MLKL: variants seen among roughly 807,000 people sequenced by gnomAD.
MLKL encodes mixed lineage kinase domain-like protein.
MLKL carries 55 observed loss-of-function variants against 56.5 expected under a neutral mutation model. The observed-to-expected ratio is 0.97, with a 90% CI of 0.78 to 1.22. MLKL has a LOEUF of 1.22. Among genes scored for constraint, MLKL ranks in the 50% most tolerant of loss-of-function variants. The pLI is 0.00. For missense variants in MLKL, 694 were observed against 573.9 expected (o/e 1.21, Z -2.14); for synonymous variants, 251 against 208.3 (o/e 1.20, Z -1.76).
chr16:74,685,546 T>A lies in MLKL; in HGVS notation c.760A>T (p.Met254Leu). 6.2e-7 allele frequency: 1 copy of A among 1,614,102 alleles called. No individual in the cohort carries two copies. Among genetic ancestry groups the A allele is most frequent in the Non-Finnish European group, 8.5e-7 (1 of 1,179,966 alleles). Residue 254 changes from methionine to leucine, a missense_variant, in exon 5 of 11, where the codon ATG becomes TTG. By Grantham distance (15) the Met-to-Leu change is conservative. Transcript: ENST00000308807. The stretch of plus-strand genomic sequence containing the variant: ...ATGTTGGGAGATTCGAATTTCTTCA[T>A]GGTTTTGATCTCCTTATTGAAAGTC... ...RQTFNKEIKT[M>L]KKFESPNILR...
chr16:74,679,036 G>T, intron 6 of MLKL, 56 bp from the exon 7 acceptor site: 3 of 1,403,604 alleles, frequency 2.1e-6, no homozygotes, highest in African/African-American at 1.4e-5. Context: ...TTCTTTGGGG[G>T]ACTGACAATC....
At chr16:74,674,906 A>G in intron 10 of MLKL, 54 bp downstream of exon 10, 4 of 1,576,558 alleles carry the variant, frequency 2.5e-6, no homozygotes, top group Non-Finnish European at 3.4e-6. Flanking sequence ...GAAATCTTTC[A>G]CAAGTGTGAA....
chr16:74,675,998 G>A (rs991190625), intron 7 of MLKL: 6 of 515,290 alleles, frequency 1.2e-5, no homozygotes, highest in Admixed American at 7.3e-5. Flanking sequence ...AAAATGGGGC[G>A]ATGACAGGGG....
At chr16:74,674,145 T>G (rs969637727) in intron 10 of MLKL, among the ~76,000 whole-genome samples, 7 of 147,466 alleles carry the variant, frequency 4.7e-5, no homozygotes, top group Non-Finnish European at 8.9e-5. Context: ...TGTAGGATGT[T>G]GAATAGCATT....
intron 4 of MLKL, among the ~76,000 whole-genome samples, chr16:74,687,878 T>G (rs1271211361): frequency 6.6e-6 from 1 of 150,774 alleles, no homozygotes; most frequent in Admixed American, 6.6e-5. Flanking sequence ...CAGGCTGGAG[T>G]GCAGTGGCGT....
At chr16:74,683,615 T>C (rs1439796267) in intron 5 of MLKL, among the ~76,000 whole-genome samples, 3 of 151,784 alleles carry the variant, frequency 2.0e-5, no homozygotes, top group African/African-American at 7.2e-5. Context: ...AAAAAAATTC[T>C]TTTTCTTTTT....
chr16:74,676,323 A>G (rs1959593797), intron 7 of MLKL: 1 of 986,040 alleles, frequency 1.0e-6, no homozygotes. Flanking sequence ...AAGAAACTGT[A>G]GCACAATCAT....
intron 3 of MLKL, among the ~76,000 whole-genome samples, chr16:74,691,763 G>A (rs1010747450): frequency 7.9e-5 from 12 of 152,086 alleles, no homozygotes; most frequent in African/African-American, 2.7e-4. Flanking sequence ...CTCTCATCCT[G>A]GAAGGATGTC....
intron 4 of MLKL, among the ~76,000 whole-genome samples, chr16:74,685,840 T>C (rs910677056): frequency 3.9e-5 from 6 of 152,216 alleles, no homozygotes; most frequent in African/African-American, 1.4e-4. Context: ...AATAGTCTGA[T>C]AGAATTGTAT....
At chr16:74,679,415 G>A (rs1010918545) in intron 6 of MLKL, among the ~76,000 whole-genome samples, 3 of 152,162 alleles carry the variant, frequency 2.0e-5, no homozygotes, top group African/African-American at 4.8e-5. Flanking sequence ...AAGCCCCTGC[G>A]TCCCAGGTTG....
At chr16:74,697,062 A>G (rs1961091544) in intron 1 of MLKL, among the ~76,000 whole-genome samples, 1 of 149,130 alleles carries the variant, frequency 6.7e-6, no homozygotes, top group Admixed American at 6.7e-5. Context: ...TATTATATAT[A>G]TAAGTTAGCC....
At chr16:74,680,412 A>C (rs1959874668) in intron 6 of MLKL, among the ~76,000 whole-genome samples, 1 of 152,172 alleles carries the variant, frequency 6.6e-6, no homozygotes, top group Admixed American at 6.5e-5. Flanking sequence ...TAAAGGGAAA[A>C]TTACTCTCCT....
intron 2 of MLKL, among the ~76,000 whole-genome samples, chr16:74,692,866 A>T (rs1353733542): frequency 6.6e-6 from 1 of 152,252 alleles, no homozygotes; most frequent in African/African-American, 2.4e-5. Flanking sequence ...AAACCACAGC[A>T]TAATCAAATC....
chr16:74,691,486 A>G (rs779270723), intron 3 of MLKL, 23 bp from the exon 4 acceptor site: 1 of 1,598,756 alleles, frequency 6.3e-7, no homozygotes, highest in Non-Finnish European at 8.5e-7. Flanking sequence ...CCGAGAGGAA[A>G]GAAGACAAAA....
chr16:74,688,114 G>A (rs1395859777), intron 4 of MLKL, among the ~76,000 whole-genome samples: 1 of 152,072 alleles, frequency 6.6e-6, no homozygotes, highest in Non-Finnish European at 1.5e-5. Context: ...GTGAGCCACT[G>A]CGCCCAGCCA....
intron 4 of MLKL, among the ~76,000 whole-genome samples, chr16:74,687,169 T>C (rs1014431931): frequency 6.6e-6 from 1 of 151,412 alleles, no homozygotes; most frequent in African/African-American, 2.4e-5. Context: ...AGAGGCGGGG[T>C]TTCACCATGT....
At chr16:74,680,825 C>G (rs1045752288) in intron 6 of MLKL, among the ~76,000 whole-genome samples, 1 of 151,992 alleles carries the variant, frequency 6.6e-6, no homozygotes, top group Non-Finnish European at 1.5e-5. Flanking sequence ...GTATCCTTAA[C>G]TCTGCCAATA....
chr16:74,688,761 A>G (rs1960488275), intron 4 of MLKL, among the ~76,000 whole-genome samples: 1 of 152,200 alleles, frequency 6.6e-6, no homozygotes, highest in Admixed American at 6.5e-5. Context: ...GAATGTACAC[A>G]GAAACATTAT....
At chr16:74,693,451 C>T (rs1597509458) in intron 2 of MLKL, among the ~76,000 whole-genome samples, 1 of 19,718 alleles carries the variant, frequency 5.1e-5, no homozygotes, top group African/African-American at 3.1e-4. Flanking sequence ...AAGACTCTGT[C>T]TCAAAAAAAA....
Sources: allele counts gnomAD v4.1 joint callset (sites outside exome capture counted in the v4.1 genomes callset), GRCh38; gene constraint gnomAD v4.1.1; transcripts MANE v1.5; gene names NCBI Gene and HGNC (gene_info 2026-07-23, HGNC 2026-07-21).